Variants in ZBTB20 observed in about 807,000 individuals in gnomAD.
ZBTB20 encodes the protein zinc finger and BTB domain containing 20.
In ZBTB20, 9 loss-of-function variants were observed where a neutral mutation model predicts 56.9. The ratio of observed to expected loss-of-function variants is 0.16; its 90% CI spans 0.10 to 0.28. The LOEUF (loss-of-function observed/expected upper bound fraction) is 0.28. Ranked by LOEUF, ZBTB20 falls within the 10% of genes least tolerant of loss-of-function variation. The pLI is 1.00. For synonymous variants in ZBTB20, 417 were observed against 420.7 expected (o/e 0.99, Z 0.11); for missense variants, 655 against 1,003.0 (o/e 0.65, Z 4.69).
At chr3:115,011,324 T>G (rs1164740706) in intron 2 of ZBTB20, among the ~76,000 whole-genome samples, 1 of 151,826 alleles carries the variant, frequency 6.6e-6, no homozygotes, top group African/African-American at 2.4e-5. Context: ...GCCAAGCAGA[T>G]TTAACCCAAA....
At chr3:114,690,583 T>C (rs2062639551) in intron 6 of ZBTB20, among the ~76,000 whole-genome samples, 1 of 152,148 alleles carries the variant, frequency 6.6e-6, no homozygotes, top group Non-Finnish European at 1.5e-5. Flanking sequence ...TAGAGGGTTC[T>C]AAATATTTTT....
At chr3:114,859,691 C>A (rs1372245476) in intron 4 of ZBTB20, among the ~76,000 whole-genome samples, 1 of 150,402 alleles carries the variant, frequency 6.6e-6, no homozygotes, top group Non-Finnish European at 1.5e-5. Flanking sequence ...TAAGCAAAGG[C>A]AGTCTTTTAT....
At chr3:114,351,906 C>G (rs766573844) in intron 10 of ZBTB20, 28 bp from the exon 11 acceptor site, 1 of 1,568,464 alleles carries the variant, frequency 6.4e-7, no homozygotes, top group Non-Finnish European at 8.7e-7. Context: ...AGACACAAAA[C>G]AGGGCATGGG....
chr3:114,926,182 T>C (rs974011581), intron 3 of ZBTB20, among the ~76,000 whole-genome samples: 6 of 152,228 alleles, frequency 3.9e-5, no homozygotes, highest in Admixed American at 1.3e-4. Context: ...AAGGGCTTTC[T>C]CTTGGAGTTA....
intron 11 of ZBTB20, among the ~76,000 whole-genome samples, chr3:114,341,942 A>G (rs1262552037): frequency 6.6e-6 from 1 of 152,248 alleles, no homozygotes; most frequent in Admixed American, 6.5e-5. Context: ...CATTTTAAAT[A>G]AGACAAAGTA....
intron 2 of ZBTB20, among the ~76,000 whole-genome samples, chr3:114,976,086 A>G (rs1405447008): frequency 1.3e-5 from 2 of 152,228 alleles, no homozygotes; most frequent in Non-Finnish European, 2.9e-5. Flanking sequence ...ACAAACTTCT[A>G]CAATGCATTC....
intron 5 of ZBTB20, among the ~76,000 whole-genome samples, chr3:114,736,252 A>G (rs935438984): frequency 1.3e-5 from 2 of 152,230 alleles, no homozygotes; most frequent in Admixed American, 6.5e-5. Context: ...AATAAATGAA[A>G]TGATGAATGA....
intron 4 of ZBTB20, among the ~76,000 whole-genome samples, chr3:114,875,045 C>G (rs1156466801): frequency 2.0e-5 from 3 of 151,954 alleles, no homozygotes; most frequent in Non-Finnish European, 4.4e-5. Flanking sequence ...TGGATAAATC[C>G]CCCTTGCTAT....
chr3:114,369,849 G>A (rs1049844511), intron 10 of ZBTB20, among the ~76,000 whole-genome samples: 2 of 152,118 alleles, frequency 1.3e-5, no homozygotes, highest in African/African-American at 2.4e-5. Context: ...AAAAACAATT[G>A]TTTTTAAAAA....
intron 3 of ZBTB20, among the ~76,000 whole-genome samples, chr3:114,957,625 G>A (rs1005364357): frequency 7.2e-5 from 11 of 152,158 alleles, no homozygotes; most frequent in Admixed American, 1.3e-4. Flanking sequence ...TTCATGGCAG[G>A]ATTTAACATC....
At chr3:115,104,651 T>C (rs2083671757) in intron 1 of ZBTB20, among the ~76,000 whole-genome samples, 1 of 152,188 alleles carries the variant, frequency 6.6e-6, no homozygotes, top group Admixed American at 6.5e-5. Flanking sequence ...CTATATGACA[T>C]TCTGAAAAGG....
chr3:114,931,344 C>A, intron 3 of ZBTB20: 1 of 228,596 alleles, frequency 4.4e-6, no homozygotes, highest in East Asian at 1.4e-4. Flanking sequence ...GCTAAAACCC[C>A]AATTATCTAT....
chr3:114,789,894 G>C (rs1421282053), intron 5 of ZBTB20, among the ~76,000 whole-genome samples: 1 of 152,068 alleles, frequency 6.6e-6, no homozygotes, highest in Non-Finnish European at 1.5e-5. Flanking sequence ...GTATATTTTT[G>C]TTCCATTTAA....
At chr3:115,103,499 G>C (rs1288298854) in intron 1 of ZBTB20, among the ~76,000 whole-genome samples, 1 of 152,184 alleles carries the variant, frequency 6.6e-6, no homozygotes, top group African/African-American at 2.4e-5. Context: ...GCAAAGAATA[G>C]ACACAGCAGA....
At chr3:114,482,119 C>T (rs918270857) in intron 7 of ZBTB20, among the ~76,000 whole-genome samples, 3 of 152,108 alleles carry the variant, frequency 2.0e-5, no homozygotes, top group African/African-American at 7.2e-5. Flanking sequence ...GATAACCTCA[C>T]AGGGTCACCA....
At chr3:114,859,311 CCTT>C (rs1262754183) in intron 4 of ZBTB20, among the ~76,000 whole-genome samples, 2 of 148,932 alleles carry the variant, frequency 1.3e-5, no homozygotes, top group Non-Finnish European at 3.0e-5. Context: ...TTCCTTCCTT[CCTT>C]CTTGCCTTCC....
intron 2 of ZBTB20, among the ~76,000 whole-genome samples, chr3:115,066,793 C>T (rs1216934247): frequency 3.3e-5 from 5 of 152,054 alleles, no homozygotes; most frequent in African/African-American, 4.8e-5. Flanking sequence ...TTTCTATTCA[C>T]ACTGGATTTT....
intron 7 of ZBTB20, chr3:114,445,734 C>A (rs1353904032): frequency 2.0e-5 from 3 of 152,098 alleles, no homozygotes; most frequent in Admixed American, 6.6e-5. Context: ...GACCTTGAAT[C>A]CACAGGTTCA....
chr3:114,790,768 A>C (rs1391695313), intron 5 of ZBTB20, among the ~76,000 whole-genome samples: 1 of 151,748 alleles, frequency 6.6e-6, no homozygotes, highest in African/African-American at 2.4e-5. Flanking sequence ...GGGAGACATA[A>C]CAGTAAGTTT....
Sources: allele counts gnomAD v4.1 joint callset (sites outside exome capture counted in the v4.1 genomes callset), GRCh38; gene constraint gnomAD v4.1.1; transcripts MANE v1.5; gene names NCBI Gene and HGNC (gene_info 2026-07-23, HGNC 2026-07-21).